The following CFAP276 variants were observed in gnomAD, a reference collection of about 807,000 sequenced individuals.
CFAP276 encodes the protein cilia- and flagella-associated protein 276.
chr1:109,107,722 C>T, the CFAP276 span, among the ~76,000 whole-genome samples: 1 of 106,752 alleles, frequency 9.4e-6, no homozygotes, highest in African/African-American at 4.6e-5. Flanking sequence ...GACCTCATCT[C>T]TTCAAAAAAA....
chr1:109,112,289 C>A, the CFAP276 span, among the ~76,000 whole-genome samples: 1 of 152,212 alleles, frequency 6.6e-6, no homozygotes, highest in Non-Finnish European at 1.5e-5. Context: ...AGAGAACAGT[C>A]TTCCAAATAG....
At chr1:109,110,922 A>C in the CFAP276 span, among the ~76,000 whole-genome samples, 2 of 151,534 alleles carry the variant, frequency 1.3e-5, no homozygotes, top group African/African-American at 2.4e-5. Flanking sequence ...GCTATCCTAG[A>C]CTCACCTCCT....
the CFAP276 span, chr1:109,105,987 G>A: frequency 1.2e-5 from 18 of 1,496,098 alleles, no homozygotes; most frequent in East Asian, 9.2e-5. Flanking sequence ...GAAGTGGGCC[G>A]CAGTATGTTT....
At chr1:109,106,230 G>C in the CFAP276 span, 7 of 808,014 alleles carry the variant, frequency 8.7e-6, no homozygotes, top group Middle Eastern at 2.6e-4. Flanking sequence ...CCGGCATATG[G>C]AGGACTGATG....
the CFAP276 span, among the ~76,000 whole-genome samples, chr1:109,111,735 A>T: frequency 6.6e-6 from 1 of 152,030 alleles, no homozygotes; most frequent in African/African-American, 2.4e-5. Context: ...CCTTCTTCCT[A>T]ACTCACATTC....
the CFAP276 span, chr1:109,106,106 G>A: frequency 6.2e-7 from 1 of 1,606,090 alleles, no homozygotes; most frequent in African/African-American, 1.3e-5. Context: ...ACACTGTGGA[G>A]AAAAGAGAAG....
At chr1:109,109,403 G>A in the CFAP276 span, among the ~76,000 whole-genome samples, 5 of 151,062 alleles carry the variant, frequency 3.3e-5, no homozygotes, top group East Asian at 2.0e-4. Flanking sequence ...AGCCGAGATC[G>A]CGCCACTGCA....
At chr1:109,106,492 T>G in the CFAP276 span, 3 of 1,601,606 alleles carry the variant, frequency 1.9e-6, no homozygotes, top group East Asian at 6.7e-5. Flanking sequence ...TTAGAAAGAC[T>G]CCCCCACTGC....
At chr1:109,106,194 G>A in the CFAP276 span, 10 of 1,075,252 alleles carry the variant, frequency 9.3e-6, no homozygotes, top group African/African-American at 1.6e-4. Context: ...GTACTGTGGA[G>A]AAGCTTCTCA....
chr1:109,106,407 G>A, the CFAP276 span: 43 of 1,239,806 alleles, frequency 3.5e-5, 1 homozygote, highest in East Asian at 1.0e-3. Context: ...CTTAATCATT[G>A]CTTTCCAAGA....
chr1:109,113,424 G>A, the CFAP276 span, among the ~76,000 whole-genome samples: 74 of 66,110 alleles, frequency 1.1e-3, no homozygotes, highest in Non-Finnish European at 8.6e-4. Context: ...GAAAGAGAGA[G>A]AGAGAGAGAG....
At chr1:109,107,820 G>T in the CFAP276 span, 3 of 965,416 alleles carry the variant, frequency 3.1e-6, no homozygotes, top group Non-Finnish European at 3.1e-6. Flanking sequence ...TCAGGCTACG[G>T]TAAACCATGA....
chr1:109,112,445 AT>A, the CFAP276 span, among the ~76,000 whole-genome samples: 1 of 152,184 alleles, frequency 6.6e-6, no homozygotes, highest in Non-Finnish European at 1.5e-5. Context: ...CGACTTGAAT[AT>A]GGAGATAGGG....
the CFAP276 span, among the ~76,000 whole-genome samples, chr1:109,113,088 G>T: frequency 0.021 from 3,241 of 152,222 alleles, 42 homozygotes; most frequent in Non-Finnish European, 0.032. Flanking sequence ...AGAGAATGAG[G>T]ATGTCAAGAG....
chr1:109,110,392 G>A, the CFAP276 span, among the ~76,000 whole-genome samples: 2 of 152,108 alleles, frequency 1.3e-5, no homozygotes. Context: ...AACTGCTCTT[G>A]CTAGTTATCA....
At chr1:109,110,664 G>T in the CFAP276 span, among the ~76,000 whole-genome samples, 1 of 152,162 alleles carries the variant, frequency 6.6e-6, no homozygotes, top group African/African-American at 2.4e-5. Context: ...TGGATGAGCT[G>T]ATTCCCTTCC....
the CFAP276 span, chr1:109,112,608 C>A: frequency 6.4e-7 from 1 of 1,550,490 alleles, no homozygotes; most frequent in African/African-American, 1.4e-5. Context: ...CCTTGGAAGC[C>A]CGCAGTTCTC....
the CFAP276 span, chr1:109,107,155 A>C: frequency 1.6e-4 from 238 of 1,522,308 alleles, no homozygotes; most frequent in Non-Finnish European, 2.0e-4. Context: ...AGGTTAGCTC[A>C]GCCACCTGTG....
chr1:109,112,659 AGGGTCCC>A, the CFAP276 span: 2 of 1,550,550 alleles, frequency 1.3e-6, no homozygotes, highest in East Asian at 4.9e-5. Flanking sequence ...GCTGCTGGAA[AGGGTCCC>A]GGGTGGGAGG....
Sources: gnomAD v4.1 joint callset for allele counts (sites outside exome capture counted in the v4.1 genomes callset) on GRCh38, gnomAD v4.1.1 for gene constraint, MANE v1.5 for transcripts, NCBI Gene and HGNC (gene_info 2026-07-23, HGNC 2026-07-21) for gene names.